Variants in RNF175 observed in about 807,000 individuals in gnomAD.
The protein encoded by RNF175 is ring finger protein 175.
In RNF175, 38 loss-of-function variants were observed where a neutral mutation model predicts 50.0. The observed-to-expected ratio is 0.76, with a 90% CI of 0.59 to 1.00. RNF175 has a LOEUF of 1.00. Among genes scored for constraint, RNF175 ranks in the 50% least tolerant of loss-of-function variants. RNF175 has a pLI of 0.00. For synonymous variants in RNF175, 155 were observed against 146.1 expected, an observed-to-expected ratio of 1.06 and a Z score of -0.44; for missense variants, 388 against 409.6, an observed-to-expected ratio of 0.95 and a Z score of 0.46.
chr4:153,742,259 T>A (rs1303757788), intron 3 of RNF175, among the ~76,000 whole-genome samples: 7 of 110,388 alleles, frequency 6.3e-5, no homozygotes, highest in African/African-American at 2.2e-4. Context: ...GGTGACAGAG[T>A]GAGCTTCTGT....
Position 153,711,060 on chromosome 4 carries a change from A to G in RNF175, c.867-571T>C, listed in dbSNP as rs551466733. Among the ~76,000 whole-genome samples, 6 of 152,308 alleles carry G rather than the reference A, an allele frequency of 3.9e-5. No homozygotes were observed. The South Asian group carries it at 1.0e-3, about 26-fold the overall frequency. ...TTGAGTCTCAATAAAAGAGTAGTAT[A>G]TGTTTTATTCAACAGTTTATTTTCT... On this transcript the variant is annotated intron_variant, in intron 8 of 8. Coordinates refer to ENST00000347063, the MANE Select transcript of RNF175 (RefSeq NM_173662.4).
chr4:153,730,526 A>G (rs1738978558), intron 3 of RNF175, among the ~76,000 whole-genome samples: 1 of 152,190 alleles, frequency 6.6e-6, no homozygotes, highest in Non-Finnish European at 1.5e-5. Context: ...TTTATCATAA[A>G]TTATACATTT....
intron 5 of RNF175, among the ~76,000 whole-genome samples, chr4:153,722,027 C>G (rs1429124897): frequency 1.3e-5 from 2 of 152,238 alleles, no homozygotes; most frequent in Non-Finnish European, 2.9e-5. Flanking sequence ...GGCTGACTCT[C>G]CATCTGATTG....
intron 1 of RNF175, among the ~76,000 whole-genome samples, chr4:153,754,111 A>T (rs1402387664): frequency 6.8e-6 from 1 of 147,846 alleles, no homozygotes; most frequent in Non-Finnish European, 1.5e-5. Context: ...TGGAACTTGC[A>T]GTGAGCTGAG....
At chr4:153,715,756 C>T (rs1399388733) in intron 6 of RNF175, 94 bp from the exon 7 acceptor site, 11 of 1,327,872 alleles carry the variant, frequency 8.3e-6, no homozygotes, top group African/African-American at 1.5e-5. Context: ...GGACAGGCAG[C>T]CCTTGGCACA....
chr4:153,738,288 G>A (rs888656828), intron 3 of RNF175, among the ~76,000 whole-genome samples: 5 of 151,462 alleles, frequency 3.3e-5, no homozygotes, highest in Admixed American at 3.3e-4. Context: ...AGGCTCAAGC[G>A]ATCCTCCCTC....
rs1248093750 is a variant in RNF175, at chr4:153,721,292, G to A, written c.510-988C>T. On this transcript the variant is annotated intron_variant, in intron 5 of 8. Transcript: ENST00000347063. The stretch of plus-strand genomic sequence containing the variant: ...ATCTCAAATATCAGTGGTGACCCTT[G>A]GTGGTTCTGATTGATTCAGGGAAGG... 4 of 152,222 alleles carry A rather than the reference G, an allele frequency of 2.6e-5. No individual in the cohort carries two copies. The East Asian group carries it at 5.8e-4, about 22-fold the overall frequency. The allele number at this position is 152,222 out of a possible 1,614,324, so 9.4% of individuals were successfully genotyped here. A position where few individuals can be genotyped will look rare whatever the true frequency, so the allele number is the denominator to read the frequency against.
At chr4:153,724,904 AGCT>A (rs1738584730) in intron 4 of RNF175, among the ~76,000 whole-genome samples, 1 of 143,054 alleles carries the variant, frequency 7.0e-6, no homozygotes, top group East Asian at 2.1e-4. Flanking sequence ...GGCAGGGGTG[AGCT>A]ACGTGGGGGA....
At chr4:153,740,289 A>G (rs1332366177) in intron 3 of RNF175, among the ~76,000 whole-genome samples, 1 of 152,114 alleles carries the variant, frequency 6.6e-6, no homozygotes, top group Non-Finnish European at 1.5e-5. Context: ...TAAGCATATT[A>G]GCCATAATTA....
rs1280636199 is a variant in RNF175, at chr4:153,710,494, A to T, written c.867-5T>A. On this transcript the variant is annotated splice_region_variant and splice_polypyrimidine_tract_variant and intron_variant, in intron 8 of 8. Transcript: ENST00000347063. The stretch of plus-strand genomic sequence containing the variant: ...AGAAAATGTGTGCGCTCCCAGCTAA[A>T]TCTCAGTTAAGGAGGTTGTTCTATA... 1.9e-6 allele frequency: 3 copies of T among 1,609,260 alleles called. No homozygotes were observed. In the African/African-American group the frequency reaches 4.0e-5, roughly 21 times the overall value.
chr4:153,751,394 C>A, intron 2 of RNF175, 44 bp downstream of exon 2: 1 of 1,330,094 alleles, frequency 7.5e-7, no homozygotes, highest in African/African-American at 1.5e-5. Context: ...AGATAAAAAT[C>A]TAATTTTTAG....
intron 3 of RNF175, among the ~76,000 whole-genome samples, chr4:153,736,223 C>T (rs1180118670): frequency 3.9e-5 from 6 of 152,214 alleles, no homozygotes; most frequent in Non-Finnish European, 4.4e-5. Context: ...GATATGATCA[C>T]AGGACTTTCT....
intron 8 of RNF175, among the ~76,000 whole-genome samples, chr4:153,712,056 T>G (rs554975907): frequency 7.2e-5 from 11 of 152,346 alleles, no homozygotes; most frequent in African/African-American, 2.4e-4. Flanking sequence ...AAAAATAGTT[T>G]TCTGTACTCT....
chr4:153,718,217 TGTTTGTTTGTTTGTTTGTTTG>T lies in RNF175; in HGVS notation c.630+1946_630+1966del, dbSNP rs1738077488. ...CATTCCTTTCCTAAGGAGTTTTTTTTGTTTGTTTGTTTGTTTGTTTGTTTTTTTTTTTTTTGAAGCAGATGC... is the reference window on the plus strand; with the variant it reads ...CATTCCTTTCCTAAGGAGTTTTTTTTTTTTTTTTTTTTTTGAAGCAGATGC... On this transcript the variant is annotated intron_variant, in intron 6 of 8. Transcript: ENST00000347063. 9.4e-5 allele frequency among the ~76,000 whole-genome samples: 4 copies of T among 42,428 alleles called. 1 individual carries two copies. In the Admixed American group the frequency reaches 1.3e-3, roughly 14 times the overall value. 27.8% of individuals were successfully genotyped at this position (42,428 alleles called of 152,430 possible).
chr4:153,747,516 G>A (rs963305044), intron 3 of RNF175, among the ~76,000 whole-genome samples: 1 of 152,152 alleles, frequency 6.6e-6, no homozygotes, highest in Admixed American at 6.6e-5. Flanking sequence ...TCCAGCTTCC[G>A]ATACCTTGTT....
chr4:153,711,086 C>T (rs1210478913), intron 8 of RNF175, among the ~76,000 whole-genome samples: 1 of 152,094 alleles, frequency 6.6e-6, no homozygotes, highest in Non-Finnish European at 1.5e-5. Context: ...TTTATTTTCT[C>T]AAGACTACAT....
At chr4:153,715,914 A>G (rs908658790) in intron 6 of RNF175, among the ~76,000 whole-genome samples, 1 of 152,004 alleles carries the variant, frequency 6.6e-6, no homozygotes, top group Non-Finnish European at 1.5e-5. Flanking sequence ...ATACAAAAAA[A>G]TTAGCCAGGT....
In RNF175 at chr4:153,734,776, C is replaced by T. The variant is rs949894001; in HGVS notation, c.247-6415G>A. Reference sequence around the variant, plus strand: ...CTGCAAGCTCCTCCTCCTGGGTTCACGCCATTCTCCTGCCTCAGCCTCCCG... The same window carrying T: ...CTGCAAGCTCCTCCTCCTGGGTTCATGCCATTCTCCTGCCTCAGCCTCCCG... On this transcript the variant is annotated intron_variant, in intron 3 of 8. Coordinates refer to ENST00000347063, the MANE Select transcript of RNF175 (RefSeq NM_173662.4). Among the ~76,000 whole-genome samples, 6 of 149,488 alleles carry T rather than the reference C, an allele frequency of 4.0e-5. No individual in the cohort carries two copies. In the South Asian group the frequency reaches 1.1e-3, roughly 26 times the overall value.
intron 3 of RNF175, 149 bp downstream of exon 3, chr4:153,748,496 G>A: frequency 1.7e-6 from 1 of 602,492 alleles, no homozygotes; most frequent in Non-Finnish European, 2.6e-6. Flanking sequence ...AATGTCTCCT[G>A]GGAGTGAAAT....
Sources: allele counts gnomAD v4.1 joint callset (sites outside exome capture counted in the v4.1 genomes callset), GRCh38; gene constraint gnomAD v4.1.1; transcripts MANE v1.5; gene names NCBI Gene and HGNC (gene_info 2026-07-23, HGNC 2026-07-21).